Variants in NCAPD3 observed in about 807,000 individuals in gnomAD.
NCAPD3 encodes the protein condensin-2 complex subunit D3.
A neutral mutation model predicts 182.9 loss-of-function variants in NCAPD3; 105 were observed. That is an observed-to-expected ratio of 0.57 (90% confidence interval 0.49 to 0.68). The LOEUF (loss-of-function observed/expected upper bound fraction) is 0.68. Ranked by LOEUF, NCAPD3 falls within the 30% of genes least tolerant of loss-of-function variation. The pLI, the probability that NCAPD3 is intolerant of heterozygous loss-of-function variation, is 0.00. For missense variants in NCAPD3, 1,944 were observed against 1,837.0 expected (o/e 1.06, Z -1.07); for synonymous variants, 815 against 679.9 (o/e 1.20, Z -3.09).
chr11:134,206,675 C>A lies in NCAPD3; in HGVS notation c.940G>T (p.Glu314Ter). ...LSVILMLEVG[E>*]GSHRAPLAVT... ...GCAAGGGGGGCACGATGGGATCCTT[C>A]ACCAACTTCTAACATTAATATTACA... Residue 314 changes from glutamate (E) to a stop codon, truncating the protein, a stop_gained, in exon 8 of 35, where the codon GAA becomes TAA. Transcript: ENST00000534548. LOFTEE classifies it high-confidence loss of function. 1 of 1,613,626 alleles carries A rather than the reference C, an allele frequency of 6.2e-7. No individual in the cohort carries two copies. Among genetic ancestry groups the A allele is most frequent in the Non-Finnish European group, 8.5e-7 (1 of 1,179,724 alleles).
rs1943658360 is a variant in NCAPD3 at position 134,163,632 on chromosome 11, CA to C, written c.3574-1742del. ...GGAGAATGGCATGAACCCAGGGGGGCAGAGCTTGCACTGAGCAGAGATCGTA... is the reference window on the plus strand; with the variant it reads ...GGAGAATGGCATGAACCCAGGGGGGCGAGCTTGCACTGAGCAGAGATCGTA... On this transcript the variant is annotated intron_variant, in intron 27 of 34. Transcript: ENST00000534548. 2.8e-5 allele frequency among the ~76,000 whole-genome samples: 4 copies of C among 144,270 alleles called. No homozygotes were observed. In the East Asian group the frequency reaches 8.1e-4, roughly 29 times the overall value. The allele number at this position is 144,270 out of a possible 152,430, so 94.6% of individuals were successfully genotyped here.
rs1943258860 is a variant in NCAPD3 at position 134,152,153 on chromosome 11, C to G, written c.*791G>C. Among the ~76,000 whole-genome samples the G allele has an allele frequency of 6.6e-6, 1 of 152,248 alleles. No individual in the cohort carries two copies. The highest frequency in any genetic ancestry group is 2.1e-4 in the South Asian group (1 of 4,830). On this transcript the variant is annotated 3_prime_UTR_variant, in exon 35 of 35. Coordinates refer to ENST00000534548, the MANE Select transcript of NCAPD3 (RefSeq NM_015261.3). ...ACAGAAGAGACTCAAGCTGTTCCCC[C>G]ATCATGGGAGCAGCCCTTAACAGAG...
chr11:134,185,500 A>G lies in NCAPD3; in HGVS notation c.2072T>C (p.Ile691Thr), dbSNP rs142158440. Residue 691 changes from isoleucine to threonine, a missense_variant, in exon 17 of 35, where the codon ATC becomes ACC. By Grantham distance (89) the Ile-to-Thr change is moderately conservative. Around this residue, in one of 3 missense-constraint regions of NCAPD3, gnomAD observed 1,803 missense variants for 1,674.6 expected, o/e 1.08. Coordinates refer to ENST00000534548, the MANE Select transcript of NCAPD3 (RefSeq NM_015261.3). ...LSRYLNKAFH[I>T]WSKKEKFSPT... ...TGAGAATTTTTCTTTCTTGGACCAG[A>G]TATGAAAAGCCTTATTTAAATATCG... 3.1e-6 allele frequency: 5 copies of G among 1,605,734 alleles called. No homozygotes were observed. Among genetic ancestry groups the G allele is most frequent in the African/African-American group, 2.7e-5 (2 of 74,380 alleles).
intron 16 of NCAPD3, among the ~76,000 whole-genome samples, chr11:134,191,395 T>C (rs1448887301): frequency 6.6e-6 from 1 of 152,176 alleles, no homozygotes; most frequent in Non-Finnish European, 1.5e-5. Flanking sequence ...GGCTATCACC[T>C]ACAATGATAA....
At chr11:134,196,095 T>G (rs760099207) in intron 13 of NCAPD3, among the ~76,000 whole-genome samples, 29 of 152,156 alleles carry the variant, frequency 1.9e-4, no homozygotes, top group Non-Finnish European at 3.4e-4. Flanking sequence ...AATACACCTT[T>G]AGCTAGACTG....
At position 134,209,345 on chromosome 11, in the gene NCAPD3, C is replaced by T; in HGVS notation, c.700G>A (p.Glu234Lys). Residue 234 changes from glutamate to lysine, a missense_variant, in exon 5 of 35, where the codon GAA (glutamate) becomes AAA (lysine). Transcript: ENST00000534548. Reference protein sequence around the residue: ...LRLLPKFSLKEKPQCVQNCIE... With the variant: ...LRLLPKFSLKKKPQCVQNCIE... ...CAATTCTGTACACATTGTGGCTTTT[C>T]TTTCAAGGAAAACTTTGGCAGAAGC... The T allele has an allele frequency of 6.2e-7, 1 of 1,613,904 alleles. No individual in the cohort carries two copies. Among genetic ancestry groups the T allele is most frequent in the South Asian group, 1.1e-5 (1 of 91,034 alleles).
chr11:134,212,165 C>T (rs1241605439), intron 3 of NCAPD3, among the ~76,000 whole-genome samples: 1 of 152,126 alleles, frequency 6.6e-6, no homozygotes, highest in African/African-American at 2.4e-5. Context: ...TTATGGCTTG[C>T]AGACCTGCAC....
chr11:134,192,895 G>A lies in NCAPD3; in HGVS notation c.1839C>T (p.Cys613=), dbSNP rs753509301. 131 of 1,605,462 alleles carry A rather than the reference G, an allele frequency of 8.2e-5. No individual in the cohort carries two copies. Among genetic ancestry groups the A allele is most frequent in the South Asian group, 5.3e-4 (48 of 90,936 alleles). The change falls in exon 16 of 35, where the codon TGC becomes TGT. Residue 613 remains cysteine, a synonymous_variant. Coordinates refer to ENST00000534548, the MANE Select transcript of NCAPD3 (RefSeq NM_015261.3). ...GCAACCAGGCTTTCTGGATCTGCAC[G>A]CATCTAGGCTGAGCCTTAGGAGTGA... ...LTELLMAQPR[C]VQIQKAWLRG...
intron 24 of NCAPD3, 107 bp downstream of exon 24, chr11:134,176,200 T>C (rs769677081): frequency 8.5e-6 from 8 of 946,482 alleles, no homozygotes; most frequent in Non-Finnish European, 1.3e-5. Flanking sequence ...TACCGAAAGC[T>C]CACTAAATCC....
rs1943440268 is a variant in NCAPD3, at chr11:134,157,028, G to A, written c.4242C>T (p.Ser1414=). The change falls in exon 32 of 35, where the codon AGC becomes AGT. Residue 1414 remains serine (S), a synonymous_variant. Transcript: ENST00000534548. ...CGATCAGTTACTCACTCTCGGGGGT[G>A]CTGATGGCCCGCTTGGTCACGTGCT... The part of the protein sequence containing the change: ...EIEHVTKRAI[S]TPEKSISDVT... The A allele has an allele frequency of 6.2e-7, 1 of 1,612,290 alleles. No individual in the cohort carries two copies. Among genetic ancestry groups the A allele is most frequent in the African/African-American group, 1.3e-5 (1 of 74,780 alleles).
In NCAPD3 at chr11:134,209,217, G is replaced by A. The variant is rs765513632; in HGVS notation, c.733-11C>T. 3.1e-6 allele frequency: 5 copies of A among 1,612,196 alleles called. No individual in the cohort carries two copies. The highest frequency in any genetic ancestry group is 4.2e-6 in the Non-Finnish European group (5 of 1,179,100). On this transcript the variant is annotated splice_polypyrimidine_tract_variant and intron_variant, in intron 5 of 34. Transcript: ENST00000534548. ...TAATGAAACAAAGACCTAGAAAACA[G>A]ATATGAAGAAAAGGCCTGATTTTTT...
rs1422934621 is a variant in NCAPD3, at chr11:134,161,831, G to A, written c.3634C>T (p.Leu1212=). 3.8e-6 allele frequency: 6 copies of A among 1,595,238 alleles called. No homozygotes were observed. The Admixed American group carries it at 6.8e-5, about 18-fold the overall frequency. The part of the protein sequence containing the change: ...IPIIISLKTV[L]EKNKIPALRE... ...AAAGCTGGGATCTTATTTTTCTCCA[G>A]CACAGTCTTCAGGGAGATGATAATT... The change falls in exon 28 of 35, where the codon CTG becomes TTG. Residue 1212 remains leucine, a synonymous_variant. Transcript: ENST00000534548.
intron 1 of NCAPD3, chr11:134,223,232 A>G (rs1208264940): frequency 5.2e-6 from 3 of 582,278 alleles, no homozygotes; most frequent in Non-Finnish European, 9.3e-6. Context: ...TGGCACAGTT[A>G]ACATCAGAAA....
chr11:134,215,287 C>T (rs1423631105), intron 3 of NCAPD3, among the ~76,000 whole-genome samples: 1 of 152,170 alleles, frequency 6.6e-6, no homozygotes, highest in Non-Finnish European at 1.5e-5. Flanking sequence ...CCCCACGCTC[C>T]CCTTCTATTC....
Position 134,208,929 on chromosome 11 carries a change from T to G in NCAPD3, c.817A>C (p.Ile273Leu), listed in dbSNP as rs762548665. The part of the protein sequence containing the change: ...QARALNQAKY[I>L]PELAYYGLYL... ...AATCCATAATAAGCCAGTTCTGGTA[T>G]GTATTTTGCTTGGTTAAGAGCTCTA... The change falls in exon 7 of 35, where the codon ATA becomes CTA. Residue 273 changes from isoleucine (I) to leucine (L), a missense_variant. This residue lies in a region of NCAPD3 where 1,803 missense variants were observed against 1,674.6 expected (regional missense o/e 1.08). Coordinates refer to ENST00000534548, the MANE Select transcript of NCAPD3 (RefSeq NM_015261.3). 1 of 1,611,152 alleles carries G rather than the reference T, an allele frequency of 6.2e-7. No individual in the cohort carries two copies. Among genetic ancestry groups the G allele is most frequent in the Non-Finnish European group, 8.5e-7 (1 of 1,178,986 alleles).
At chr11:134,163,022 G>A (rs939061118) in intron 27 of NCAPD3, among the ~76,000 whole-genome samples, 1 of 152,176 alleles carries the variant, frequency 6.6e-6, no homozygotes, top group African/African-American at 2.4e-5. Flanking sequence ...AAGAGCACAC[G>A]AGTAGGGGGC....
chr11:134,165,742 C>G (rs1943762690), intron 27 of NCAPD3, among the ~76,000 whole-genome samples: 1 of 146,914 alleles, frequency 6.8e-6, no homozygotes, highest in Admixed American at 6.7e-5. Context: ...GAGCTGCACA[C>G]TCACTTGTGA....
At chr11:134,162,498 A>G (rs1211773885) in intron 27 of NCAPD3, among the ~76,000 whole-genome samples, 1 of 152,214 alleles carries the variant, frequency 6.6e-6, no homozygotes, top group Non-Finnish European at 1.5e-5. Context: ...TTAAATTAAA[A>G]AAAAAGCACT....
At chr11:134,175,280 T>C (rs896126386) in intron 24 of NCAPD3, among the ~76,000 whole-genome samples, 3 of 152,158 alleles carry the variant, frequency 2.0e-5, no homozygotes, top group African/African-American at 7.2e-5. Flanking sequence ...GCCTGTCTGA[T>C]TACACCTTCT....
Sources: gnomAD v4.1 joint callset for allele counts (sites outside exome capture counted in the v4.1 genomes callset) on GRCh38, gnomAD v4.1.1 for gene constraint, gnomAD v4.1.1 regional missense constraint, MANE v1.5 for transcripts, NCBI Gene and HGNC (gene_info 2026-07-23, HGNC 2026-07-21) for gene names.